Variants in EVI5 observed in about 807,000 individuals in gnomAD.
The protein encoded by EVI5 is ecotropic viral integration site 5, also known as ecotropic viral integration site 5 protein homolog.
Under a neutral mutation model 112.0 loss-of-function variants are expected in EVI5, and 73 were observed. The observed-to-expected ratio is 0.65, with a 90% CI of 0.54 to 0.79. The LOEUF is 0.79. Among genes scored for constraint, EVI5 ranks in the 30% least tolerant of loss-of-function variants. The probability of loss-of-function intolerance (pLI) is 0.00; values close to 1 mark genes in which losing one functional copy is unlikely to be tolerated. For synonymous variants in EVI5, 305 were observed against 319.9 expected (o/e 0.95, Z 0.50); for missense variants, 900 against 968.8 (o/e 0.93, Z 0.94).
chr1:92,546,884 C>T (rs185533574), intron 19 of EVI5, among the ~76,000 whole-genome samples: 1,935 of 152,122 alleles, frequency 0.013, 50 homozygotes, highest in African/African-American at 0.044. Context: ...CTTAGACTCC[C>T]ACACAATAAT....
intron 13 of EVI5, among the ~76,000 whole-genome samples, chr1:92,649,665 T>G (rs1437693751): frequency 1.3e-5 from 2 of 151,960 alleles, no homozygotes; most frequent in African/African-American, 2.4e-5. Flanking sequence ...AATATGGAAA[T>G]TAGCTGGGCA....
chr1:92,651,622 C>T (rs4098278), intron 13 of EVI5, among the ~76,000 whole-genome samples: 138,352 of 150,228 alleles, frequency 0.92, 63,801 homozygotes, highest in East Asian at 0.97. Flanking sequence ...GAGGCCGAGG[C>T]GGGCGGATCA....
chr1:92,735,471 T>C (rs1242545034), intron 2 of EVI5, among the ~76,000 whole-genome samples: 2 of 151,820 alleles, frequency 1.3e-5, no homozygotes, highest in Non-Finnish European at 2.9e-5. Context: ...TTACGCATAG[T>C]TGATTACAAC....
chr1:92,673,039 T>G (rs943140416), intron 10 of EVI5, among the ~76,000 whole-genome samples: 1 of 152,172 alleles, frequency 6.6e-6, no homozygotes, highest in Non-Finnish European at 1.5e-5. Flanking sequence ...TAAGAACCCT[T>G]TAATAATGCT....
At chr1:92,515,143 G>C (rs563016185) in intron 19 of EVI5, among the ~76,000 whole-genome samples, 1 of 152,260 alleles carries the variant, frequency 6.6e-6, no homozygotes, top group East Asian at 1.9e-4. Context: ...TTAGAATGAG[G>C]CTCTAGTCCT....
At chr1:92,653,185 C>T (rs2102069288) in intron 13 of EVI5, among the ~76,000 whole-genome samples, 2 of 152,318 alleles carry the variant, frequency 1.3e-5, no homozygotes, top group East Asian at 3.9e-4. Flanking sequence ...GGAACCTCAG[C>T]CTTTGTGTCT....
At chr1:92,594,479 G>A (rs1201613066) in intron 18 of EVI5, among the ~76,000 whole-genome samples, 1 of 150,678 alleles carries the variant, frequency 6.6e-6, no homozygotes, top group Admixed American at 6.6e-5. Context: ...GAAAACCTAG[G>A]CAATACCATT....
chr1:92,559,183 G>T (rs1668134204), intron 19 of EVI5, among the ~76,000 whole-genome samples: 1 of 152,140 alleles, frequency 6.6e-6, no homozygotes, highest in African/African-American at 2.4e-5. Context: ...AGGGAATAAT[G>T]ATAAGGAATA....
chr1:92,724,626 G>A (rs1351763259), intron 2 of EVI5, among the ~76,000 whole-genome samples: 1 of 151,924 alleles, frequency 6.6e-6, no homozygotes, highest in Non-Finnish European at 1.5e-5. Context: ...TGGACAACAC[G>A]GCGAAACCCC....
At chr1:92,705,263 G>A (rs1163271126) in intron 2 of EVI5, among the ~76,000 whole-genome samples, 2 of 152,164 alleles carry the variant, frequency 1.3e-5, no homozygotes, top group African/African-American at 2.4e-5. Context: ...GGCCTATGCA[G>A]TGTTTGTGTA....
intron 2 of EVI5, among the ~76,000 whole-genome samples, chr1:92,716,202 T>G (rs913241344): frequency 5.3e-4 from 80 of 152,186 alleles, no homozygotes; most frequent in African/African-American, 1.9e-3. Context: ...GGGAGACACC[T>G]CCCAGTAGGG....
rs1439598916 is a variant in EVI5 at position 92,554,599 on chromosome 1, T to C, written c.2166+9043A>G. The stretch of plus-strand genomic sequence containing the variant: ...TTTCTAAAATGGACTTTAAATAAGA[T>C]AAACTGCTTATCCAAGATAAAACAG... On this transcript the variant is annotated intron_variant, in intron 19 of 19. Transcript: ENST00000684568. 2.6e-5 allele frequency among the ~76,000 whole-genome samples: 4 copies of C among 152,260 alleles called. 1 individual carries two copies. The highest frequency in any genetic ancestry group is 4.8e-5 in the African/African-American group (2 of 41,558).
At chr1:92,515,736 C>A (rs1488103873) in intron 19 of EVI5, among the ~76,000 whole-genome samples, 1 of 152,170 alleles carries the variant, frequency 6.6e-6, no homozygotes, top group Non-Finnish European at 1.5e-5. Flanking sequence ...TCAAAACTAA[C>A]GGTCCTGAGA....
rs6678864 is a variant in EVI5, at chr1:92,589,866, C to G, written c.2070+15441G>C. Among the ~76,000 whole-genome samples the G allele has an allele frequency of 4.1e-4, 63 of 152,230 alleles. 2 individuals carry two copies. The East Asian group carries it at 0.012, about 28-fold the overall frequency. On this transcript the variant is annotated intron_variant, in intron 18 of 19. Transcript: ENST00000684568. ...GTAGCCTAACTGAGAGGCACCCCCC[C>G]GTATGGGCAGACTGACACCTCACAC...
chr1:92,680,309 GA>G (rs1446671126), intron 9 of EVI5, among the ~76,000 whole-genome samples: 3 of 152,132 alleles, frequency 2.0e-5, no homozygotes, highest in Non-Finnish European at 2.9e-5. Flanking sequence ...CCAAAGAAAG[GA>G]AATTCCCAAA....
chr1:92,586,606 C>CTGTGTGTGTGTGTG (rs61310991), intron 18 of EVI5, among the ~76,000 whole-genome samples: 2 of 72,762 alleles, frequency 2.7e-5, no homozygotes, highest in African/African-American at 8.6e-5. Flanking sequence ...TTTTTTTTGG[C>CTGTGTGTGTGTGTG]TGTGTGTGTG....
intron 13 of EVI5, among the ~76,000 whole-genome samples, chr1:92,649,520 TA>T (rs1661681917): frequency 1.3e-5 from 2 of 152,208 alleles, no homozygotes; most frequent in Admixed American, 6.5e-5. Context: ...ATGTTATTTT[TA>T]AATCATAAAG....
At chr1:92,633,779 T>C (rs12017932) in intron 14 of EVI5, among the ~76,000 whole-genome samples, 3 of 152,210 alleles carry the variant, frequency 2.0e-5, no homozygotes, top group Non-Finnish European at 2.9e-5. Flanking sequence ...CTAGCCTCTA[T>C]GGTCTTTACA....
chr1:92,706,261 A>G (rs1671951717), intron 2 of EVI5, among the ~76,000 whole-genome samples: 1 of 152,172 alleles, frequency 6.6e-6, no homozygotes, highest in South Asian at 2.1e-4. Context: ...AAAAAGAATT[A>G]ATGATGATGT....
Sources: gnomAD v4.1 joint callset for allele counts (sites outside exome capture counted in the v4.1 genomes callset) on GRCh38, gnomAD v4.1.1 for gene constraint, MANE v1.5 for transcripts, NCBI Gene and HGNC (gene_info 2026-07-23, HGNC 2026-07-21) for gene names.